Variants in PCDHA4 observed in about 807,000 individuals in gnomAD.
PCDHA4 encodes the protein protocadherin alpha-4.
A neutral mutation model predicts 61.4 loss-of-function variants in PCDHA4; 49 were observed. The observed-to-expected ratio is 0.80, with a 90% confidence interval of 0.63 to 1.01. The LOEUF is 1.01. Ranked by LOEUF, PCDHA4 falls within the 50% of genes least tolerant of loss-of-function variation. The probability of loss-of-function intolerance (pLI) is 0.00; values close to 1 mark genes in which losing one functional copy is unlikely to be tolerated. For missense variants in PCDHA4, 1,254 were observed against 1,235.8 expected, an observed-to-expected ratio of 1.01 and a Z score of -0.22; for synonymous variants, 590 against 550.3, an observed-to-expected ratio of 1.07 and a Z score of -1.01.
intron 1 of PCDHA4, chr5:140,822,108 G>A: frequency 6.2e-7 from 1 of 1,614,266 alleles, no homozygotes; most frequent in Non-Finnish European, 8.5e-7. Context: ...TCGTGGACAG[G>A]CCGCTGCAGG....
chr5:140,829,921 G>A (rs1770679553), intron 1 of PCDHA4: 1 of 1,613,908 alleles, frequency 6.2e-7, no homozygotes, highest in Admixed American at 1.7e-5. Flanking sequence ...TTTCGTATGA[G>A]CTGCAGCCCC....
chr5:140,817,444 A>G (rs1393143626), intron 1 of PCDHA4: 3 of 152,250 alleles, frequency 2.0e-5, no homozygotes, highest in Non-Finnish European at 2.9e-5. Context: ...GGGGATTCCT[A>G]TAACAGCATC....
At chr5:140,883,952 G>C (rs782014250) in intron 1 of PCDHA4, 17 of 1,613,030 alleles carry the variant, frequency 1.1e-5, no homozygotes, top group Non-Finnish European at 1.4e-5. Context: ...GAACGACAAC[G>C]CTCCGGCGCT....
At chr5:140,856,701 AAC>A (rs2150363820) in intron 1 of PCDHA4, 1 of 1,597,018 alleles carries the variant, frequency 6.3e-7, no homozygotes, top group East Asian at 2.2e-5. Context: ...GATGGAGGCA[AAC>A]CTGAATTTAC....
intron 1 of PCDHA4, among the ~76,000 whole-genome samples, chr5:140,948,015 C>CCTTTT (rs71276332): frequency 0.56 from 84,575 of 150,344 alleles, 24,313 homozygotes; most frequent in African/African-American, 0.69. Context: ...TAGGAAGTAC[C>CCTTTT]CTTTCTGGTT....
At chr5:140,836,422 C>T in intron 1 of PCDHA4, 1 of 1,613,788 alleles carries the variant, frequency 6.2e-7, no homozygotes, top group South Asian at 1.1e-5. Context: ...AAGGCGTCGT[C>T]GCGGGCATCG....
chr5:140,876,791 G>C lies in PCDHA4; in HGVS notation c.2385+67219G>C, dbSNP rs782617794. 4.3e-6 allele frequency: 7 copies of C among 1,614,242 alleles called. No homozygotes were observed. The Admixed American group carries it at 1.2e-4, about 27-fold the overall frequency. On this transcript the variant is annotated intron_variant, in intron 1 of 3. Coordinates refer to ENST00000530339, the MANE Select transcript of PCDHA4 (RefSeq NM_018907.4). ...TCGCCTTCGCTGTGGGCCACGGCTA[G>C]AGTGTCCGTGGAGGTGGCCGACGTG...
intron 1 of PCDHA4, chr5:140,865,831 C>T (rs1554159632): frequency 6.6e-6 from 1 of 152,124 alleles, no homozygotes. Context: ...GTAGAGCTTT[C>T]TTTAGTAAGT....
chr5:140,813,608 T>C (rs1316061807), intron 1 of PCDHA4: 2 of 152,208 alleles, frequency 1.3e-5, no homozygotes, highest in African/African-American at 4.8e-5. Context: ...AATGAGTGAA[T>C]GGTGAGTGAA....
chr5:140,829,182 A>G (rs2150163580), intron 1 of PCDHA4: 1 of 1,614,190 alleles, frequency 6.2e-7, no homozygotes, highest in Non-Finnish European at 8.5e-7. Context: ...GAAGACGCTC[A>G]ATTTGGTACT....
At chr5:141,001,253 C>T (rs896546841) in intron 3 of PCDHA4, among the ~76,000 whole-genome samples, 22 of 152,078 alleles carry the variant, frequency 1.4e-4, no homozygotes, top group African/African-American at 5.1e-4. Flanking sequence ...CCCTATGGGG[C>T]GGGCACTCTT....
chr5:140,855,885 A>C lies in PCDHA4; in HGVS notation c.2385+46313A>C, dbSNP rs182267691. The C allele has an allele frequency of 1.4e-3, 1,364 of 972,052 alleles. 77 individuals carry two copies. Among genetic ancestry groups the C allele is most frequent in the Non-Finnish European group, 3.0e-4 (200 of 667,108 alleles). The allele number at this position is 972,052 out of a possible 1,614,324, so 60.2% of individuals were successfully genotyped here. On this transcript the variant is annotated intron_variant, in intron 1 of 3. Coordinates refer to ENST00000530339, the MANE Select transcript of PCDHA4 (RefSeq NM_018907.4). ...TGTCGTCCACAAAATAGCTTTTTAG[A>C]ACAAAGGCATCAGCCAGTTTCTCAA...
Position 140,864,265 on chromosome 5 carries a change from TC to T in PCDHA4, c.2385+54695del, listed in dbSNP as rs534238956. On this transcript the variant is annotated intron_variant, in intron 1 of 3. Coordinates refer to ENST00000530339, the MANE Select transcript of PCDHA4 (RefSeq NM_018907.4). ...ATTCATTTTCTTATTCTGATTTGTG[TC>T]CTCCATTCCTTATTGTTTTTATGTA... 9 of 152,340 alleles carry T rather than the reference TC, an allele frequency of 5.9e-5. No individual in the cohort carries two copies. In the East Asian group the frequency reaches 1.3e-3, roughly 23 times the overall value. The allele number at this position is 152,340 out of a possible 1,614,324, so 9.4% of individuals were successfully genotyped here.
chr5:140,849,133 C>T, intron 1 of PCDHA4: 2 of 1,357,922 alleles, frequency 1.5e-6, no homozygotes, highest in South Asian at 2.6e-5. Flanking sequence ...TTATTGCTCA[C>T]GGCCACCGAT....
At chr5:140,916,363 T>C (rs2077541371) in intron 1 of PCDHA4, among the ~76,000 whole-genome samples, 2 of 152,124 alleles carry the variant, frequency 1.3e-5, no homozygotes, top group African/African-American at 4.8e-5. Context: ...GAAGGAGTCT[T>C]TCACTGTAGC....
At chr5:140,944,678 A>G (rs1483326984) in intron 1 of PCDHA4, among the ~76,000 whole-genome samples, 4 of 152,162 alleles carry the variant, frequency 2.6e-5, no homozygotes, top group African/African-American at 9.7e-5. Context: ...TATTCTGTGT[A>G]TCCTATTAAT....
chr5:140,922,560 G>A (rs2080886484), intron 1 of PCDHA4, among the ~76,000 whole-genome samples: 4 of 152,146 alleles, frequency 2.6e-5, no homozygotes, highest in Admixed American at 2.6e-4. Flanking sequence ...GAAAAGTCAG[G>A]ATGACAAGTT....
Position 140,856,993 on chromosome 5 carries a change from T to C in PCDHA4, c.2385+47421T>C, listed in dbSNP as rs201643490. Reference sequence around the variant, plus strand: ...TTGACTTTGAGGACAGTAACACTTATGAAATTCATGTAGATGTTACAGATA... The same window carrying C: ...TTGACTTTGAGGACAGTAACACTTACGAAATTCATGTAGATGTTACAGATA... On this transcript the variant is annotated intron_variant, in intron 1 of 3. Coordinates refer to ENST00000530339, the MANE Select transcript of PCDHA4 (RefSeq NM_018907.4). The C allele has an allele frequency of 7.3e-5, 117 of 1,595,326 alleles. 13 individuals are homozygous for C. The highest frequency in any genetic ancestry group is 9.6e-5 in the Non-Finnish European group (112 of 1,165,156).
chr5:140,842,047 C>T (rs2150327967), intron 1 of PCDHA4: 2 of 1,613,806 alleles, frequency 1.2e-6, no homozygotes, highest in Non-Finnish European at 8.5e-7. Context: ...CTCCCACTTT[C>T]GAACAGTCTG....
Sources: allele counts gnomAD v4.1 joint callset (sites outside exome capture counted in the v4.1 genomes callset), GRCh38; gene constraint gnomAD v4.1.1; transcripts MANE v1.5; gene names NCBI Gene and HGNC (gene_info 2026-07-23, HGNC 2026-07-21).